KALRN: variants seen among roughly 807,000 people sequenced by gnomAD.
KALRN encodes kalirin RhoGEF kinase, also known as kalirin.
In KALRN, 70 loss-of-function variants were observed where a neutral mutation model predicts 353.7. That is an observed-to-expected ratio of 0.20 (90% CI 0.16 to 0.24). KALRN has a LOEUF of 0.24. Ranked by LOEUF, KALRN falls within the 10% of genes least tolerant of loss-of-function variation. The pLI is 1.00. For synonymous variants in KALRN, 1,391 were observed against 1,434.8 expected (o/e 0.97, Z 0.69); for missense variants, 2,791 against 3,756.7 (o/e 0.74, Z 6.72).
At chr3:124,439,198 T>TCACACACACACA (rs1220555173) in intron 18 of KALRN, among the ~76,000 whole-genome samples, 161 bp downstream of exon 18, 6 of 125,454 alleles carry the variant, frequency 4.8e-5, no homozygotes, top group African/African-American at 1.3e-4. Context: ...TCTCTCTCTC[T>TCACACACACACA]CTCACACACA....
chr3:124,646,209 A>C (rs1196065495), intron 37 of KALRN, among the ~76,000 whole-genome samples: 1 of 152,024 alleles, frequency 6.6e-6, no homozygotes, highest in Non-Finnish European at 1.5e-5. Flanking sequence ...TATTTAATAA[A>C]TTCTTGGAGT....
chr3:124,085,320 T>C (rs923802464), intron 1 of KALRN, among the ~76,000 whole-genome samples: 1 of 152,204 alleles, frequency 6.6e-6, no homozygotes, highest in Admixed American at 6.5e-5. Flanking sequence ...GAGCTGGAAC[T>C]TGAGATGAAA....
intron 33 of KALRN, among the ~76,000 whole-genome samples, chr3:124,500,855 T>G (rs1002980815): frequency 6.9e-6 from 1 of 145,388 alleles, no homozygotes; most frequent in Non-Finnish European, 1.5e-5. Context: ...ATATGTGCAT[T>G]ACTAAATGGC....
At chr3:124,445,760 C>T (rs1406894505) in intron 19 of KALRN, among the ~76,000 whole-genome samples, 1 of 152,220 alleles carries the variant, frequency 6.6e-6, no homozygotes, top group African/African-American at 2.4e-5. Context: ...TCTAATGAGT[C>T]CTTAAGAATG....
chr3:124,210,985 G>A (rs888686039), intron 1 of KALRN, among the ~76,000 whole-genome samples: 7 of 152,164 alleles, frequency 4.6e-5, no homozygotes, highest in Non-Finnish European at 8.8e-5. Context: ...CTCTCTGGAG[G>A]CAGCACATTT....
At chr3:124,106,711 T>C (rs2062347143) in intron 1 of KALRN, among the ~76,000 whole-genome samples, 1 of 152,116 alleles carries the variant, frequency 6.6e-6, no homozygotes, top group Admixed American at 6.5e-5. Context: ...AAAGAAATGA[T>C]TTTACTCCCC....
intron 9 of KALRN, among the ~76,000 whole-genome samples, chr3:124,342,640 C>A (rs539130016): frequency 1.3e-5 from 2 of 152,272 alleles, no homozygotes; most frequent in South Asian, 4.1e-4. Context: ...GCTAGATTAA[C>A]AATTTATAAT....
chr3:124,297,167 G>A (rs1233987454), intron 5 of KALRN, among the ~76,000 whole-genome samples: 2 of 152,206 alleles, frequency 1.3e-5, no homozygotes, highest in Admixed American at 1.3e-4. Context: ...ATAAATACTG[G>A]TTGAATGTAA....
intron 25 of KALRN, among the ~76,000 whole-genome samples, chr3:124,467,616 G>A (rs1017553698): frequency 3.9e-5 from 6 of 152,226 alleles, no homozygotes; most frequent in African/African-American, 1.4e-4. Context: ...TAGCAGGGAG[G>A]TTGAGAGAGG....
At chr3:124,708,583 T>C (rs2062747091) in intron 57 of KALRN, among the ~76,000 whole-genome samples, 1 of 151,852 alleles carries the variant, frequency 6.6e-6, no homozygotes, top group Admixed American at 6.6e-5. Context: ...ACATGAAGAA[T>C]AGAGAGAAAA....
At chr3:124,273,013 T>C (rs867784352) in intron 5 of KALRN, among the ~76,000 whole-genome samples, 25 of 152,358 alleles carry the variant, frequency 1.6e-4, no homozygotes, top group Middle Eastern at 6.8e-3. Context: ...TGGGAAGCTC[T>C]TGGCAATCAG....
At chr3:124,382,138 A>T (rs1217274726) in intron 10 of KALRN, among the ~76,000 whole-genome samples, 1 of 152,162 alleles carries the variant, frequency 6.6e-6, no homozygotes, top group African/African-American at 2.4e-5. Context: ...TCATCTGTAA[A>T]ATGGGTATGA....
chr3:124,340,826 C>A (rs749582452), intron 9 of KALRN, among the ~76,000 whole-genome samples: 11 of 152,112 alleles, frequency 7.2e-5, no homozygotes, highest in Admixed American at 1.3e-4. Context: ...CATGGTGATG[C>A]GTACCTATAA....
chr3:124,076,054 A>T (rs936807525), intron 1 of KALRN, among the ~76,000 whole-genome samples: 44 of 152,230 alleles, frequency 2.9e-4, no homozygotes, highest in African/African-American at 1.1e-3. Context: ...GCTTCCTGCG[A>T]TGAGGCCAGA....
rs147657265 is a variant in KALRN, at chr3:124,067,191, C to G, written c.73+33378C>G. Among the ~76,000 whole-genome samples, 102 of 152,284 alleles carry G rather than the reference C, an allele frequency of 6.7e-4. No individual in the cohort carries two copies. In the East Asian group the frequency reaches 7.7e-3, roughly 12 times the overall value. Reference sequence around the variant, plus strand: ...GAAAGGGGATGCTCACAGCCAGGCTCTCAGTAAAATGATATTTTCTGAGGC... The same window carrying G: ...GAAAGGGGATGCTCACAGCCAGGCTGTCAGTAAAATGATATTTTCTGAGGC... On this transcript the variant is annotated intron_variant, in intron 1 of 59. Transcript: ENST00000682506.
intron 14 of KALRN, among the ~76,000 whole-genome samples, chr3:124,421,459 T>C (rs2092778244): frequency 6.6e-6 from 1 of 152,230 alleles, no homozygotes; most frequent in Admixed American, 6.5e-5. Context: ...ATATGAGAGA[T>C]ATTTTACATG....
chr3:124,584,981 G>A, intron 34 of KALRN: 1 of 1,517,530 alleles, frequency 6.6e-7, no homozygotes, highest in South Asian at 1.2e-5. Context: ...AGGGTGGTAG[G>A]GAGGGAAGGG....
intron 10 of KALRN, among the ~76,000 whole-genome samples, chr3:124,379,008 C>T (rs114097207): frequency 1.6e-3 from 242 of 151,912 alleles, no homozygotes; most frequent in African/African-American, 5.5e-3. Context: ...TTTCCAATAC[C>T]CTCCTCTTCT....
chr3:124,277,840 T>C (rs2074917799), intron 5 of KALRN, among the ~76,000 whole-genome samples: 2 of 152,248 alleles, frequency 1.3e-5, no homozygotes, highest in African/African-American at 4.8e-5. Flanking sequence ...TGCTTATGAA[T>C]GGACCCCATA....
Sources: gnomAD v4.1 joint callset for allele counts (sites outside exome capture counted in the v4.1 genomes callset) on GRCh38, gnomAD v4.1.1 for gene constraint, MANE v1.5 for transcripts, NCBI Gene and HGNC (gene_info 2026-07-23, HGNC 2026-07-21) for gene names.